Variants in CHRM5 observed in about 807,000 individuals in gnomAD.
CHRM5 encodes cholinergic receptor muscarinic 5.
In CHRM5, 18 loss-of-function variants were observed where a neutral mutation model predicts 39.0. The observed-to-expected ratio is 0.46, with a 90% CI of 0.32 to 0.68. The LOEUF (loss-of-function observed/expected upper bound fraction) is 0.68, where lower values mean the gene tolerates loss of function less well. Among genes scored for constraint, CHRM5 ranks in the 30% least tolerant of loss-of-function variants. CHRM5 has a pLI of 0.04. For missense variants in CHRM5, 515 were observed against 651.1 expected (o/e 0.79, Z 2.28); for synonymous variants, 241 against 246.3 (o/e 0.98, Z 0.20).
intron 1 of CHRM5, among the ~76,000 whole-genome samples, chr15:33,973,181 C>T (rs561770842): frequency 3.3e-5 from 5 of 152,192 alleles, no homozygotes; most frequent in African/African-American, 7.2e-5. Context: ...CATCAGACTA[C>T]GTGGGCCTTC....
At chr15:33,995,948 T>C (rs7177293) in intron 1 of CHRM5, among the ~76,000 whole-genome samples, 45,683 of 152,148 alleles carry the variant, frequency 0.3, 8,882 homozygotes, top group African/African-American at 0.55. Flanking sequence ...CATGACAGAC[T>C]GTACCTGGAA....
chr15:34,047,205 G>A (rs1014295926), intron 2 of CHRM5, among the ~76,000 whole-genome samples: 13 of 151,966 alleles, frequency 8.6e-5, no homozygotes, highest in Non-Finnish European at 1.9e-4. Flanking sequence ...AGCCTCCCGA[G>A]TAGCTGGGAC....
intron 1 of CHRM5, among the ~76,000 whole-genome samples, chr15:34,021,218 C>T (rs1050912157): frequency 1.3e-5 from 2 of 151,794 alleles, no homozygotes; most frequent in African/African-American, 2.4e-5. Flanking sequence ...TGGAGTTTTG[C>T]TCTGTCGCCT....
At chr15:34,057,649 G>A (rs929479936) in intron 2 of CHRM5, among the ~76,000 whole-genome samples, 3 of 152,126 alleles carry the variant, frequency 2.0e-5, no homozygotes, top group East Asian at 1.9e-4. Context: ...CAGTAAGTTG[G>A]AGCCATATGT....
intron 1 of CHRM5, among the ~76,000 whole-genome samples, chr15:34,019,988 A>AT (rs1162298606): frequency 3.3e-5 from 5 of 152,208 alleles, no homozygotes; most frequent in African/African-American, 7.2e-5. Flanking sequence ...AAGAGTCTTG[A>AT]TTTTTTAAAC....
At chr15:33,974,945 C>G (rs1211343626) in intron 1 of CHRM5, among the ~76,000 whole-genome samples, 1 of 152,156 alleles carries the variant, frequency 6.6e-6, no homozygotes, top group Non-Finnish European at 1.5e-5. Context: ...ACGCTCCAGC[C>G]TGAGCAACAA....
intron 1 of CHRM5, among the ~76,000 whole-genome samples, chr15:34,043,532 G>A (rs948507815): frequency 1.3e-5 from 2 of 152,108 alleles, no homozygotes; most frequent in African/African-American, 4.8e-5. Context: ...ACTACTGAGG[G>A]TGCTCACCAG....
chr15:33,996,829 A>G (rs2879446), intron 1 of CHRM5, among the ~76,000 whole-genome samples: 31,850 of 152,226 alleles, frequency 0.21, 5,101 homozygotes, highest in African/African-American at 0.45. Context: ...CTCGCTAGCA[A>G]GAGAACAAAG....
intron 1 of CHRM5, among the ~76,000 whole-genome samples, chr15:34,039,417 A>AG (rs1899367290): frequency 6.6e-6 from 1 of 151,866 alleles, no homozygotes; most frequent in Non-Finnish European, 1.5e-5. Context: ...CTCGGAAAAA[A>AG]AAAGTTTAAA....
intron 1 of CHRM5, among the ~76,000 whole-genome samples, chr15:34,037,191 CTCAAT>C (rs1409396199): frequency 6.6e-6 from 1 of 152,012 alleles, no homozygotes; most frequent in Non-Finnish European, 1.5e-5. Context: ...CCTTCACTCA[CTCAAT>C]TCAACTTAAA....
Position 34,064,071 on chromosome 15 carries a change from A to T in CHRM5, c.1354A>T (p.Ile452Phe), listed in dbSNP as rs1044926847. Residue 452 changes from isoleucine to phenylalanine, a missense_variant, in exon 3 of 3, where the codon ATC becomes TTC. Physicochemically the swap from Ile to Phe is conservative, Grantham distance 21. Transcript: ENST00000383263. ...ACTGAGTGCCATTCTCCTGGCCTTC[A>T]TCATCACATGGACCCCGTATAACAT... is the stretch of plus-strand genomic sequence containing the variant. ...QTLSAILLAF[I>F]ITWTPYNIMV... 7.4e-6 allele frequency: 12 copies of T among 1,614,202 alleles called. No individual in the cohort carries two copies. The East Asian group carries it at 1.8e-4, about 24-fold the overall frequency.
chr15:33,995,465 T>G lies in CHRM5; in HGVS notation c.-408+26315T>G, dbSNP rs190246815. Among the ~76,000 whole-genome samples, 24 of 152,352 alleles carry G rather than the reference T, an allele frequency of 1.6e-4. No homozygotes were observed. In the East Asian group the frequency reaches 4.2e-3, roughly 27 times the overall value. The stretch of plus-strand genomic sequence containing the variant: ...TATATGCAAATATTTTGCCATTTTA[T>G]ATCAGAGACTTAGCATTCCTAGATT... On this transcript the variant is annotated intron_variant, in intron 1 of 2. Transcript: ENST00000383263.
intron 1 of CHRM5, among the ~76,000 whole-genome samples, chr15:34,002,448 T>C (rs1897173468): frequency 6.6e-6 from 1 of 152,044 alleles, no homozygotes. Flanking sequence ...CATTCTTCCC[T>C]GTTACTGCTC....
At chr15:34,039,603 A>G (rs553149389) in intron 1 of CHRM5, among the ~76,000 whole-genome samples, 7 of 152,290 alleles carry the variant, frequency 4.6e-5, no homozygotes, top group African/African-American at 1.7e-4. Flanking sequence ...GTGGATGTAA[A>G]GACAAGAGTT....
intron 2 of CHRM5, among the ~76,000 whole-genome samples, chr15:34,060,902 G>A (rs935779797): frequency 2.6e-5 from 4 of 151,942 alleles, no homozygotes; most frequent in Non-Finnish European, 4.4e-5. Flanking sequence ...TGTAGTCCCA[G>A]CTACTGGGGA....
chr15:34,007,150 T>A (rs967989856), intron 1 of CHRM5: 24 of 596,066 alleles, frequency 4.0e-5, no homozygotes, highest in Non-Finnish European at 4.8e-5. Flanking sequence ...CGAGCTATTA[T>A]CTTGTCCAAT....
rs1380791998 is a variant in CHRM5, at chr15:34,065,816, T to C, written c.*1500T>C. On this transcript the variant is annotated 3_prime_UTR_variant, in exon 3 of 3. Transcript: ENST00000383263. ...AAGGATTTTAAAGATGAAGCACTCC[T>C]GTCAGACATTATTTAACTCGTTGGT... 1 of 152,220 alleles carries C rather than the reference T, an allele frequency of 6.6e-6. No individual in the cohort carries two copies. The highest frequency in any genetic ancestry group is 1.5e-5 in the Non-Finnish European group (1 of 68,044). The allele number at this position is 152,220 out of a possible 1,614,324, so 9.4% of individuals were successfully genotyped here.
intron 2 of CHRM5, among the ~76,000 whole-genome samples, chr15:34,054,371 A>C (rs1900050474): frequency 6.6e-6 from 1 of 152,214 alleles, no homozygotes; most frequent in African/African-American, 2.4e-5. Context: ...ATAAAGATAC[A>C]TGCATGTGTA....
Position 34,046,317 on chromosome 15 carries a change from A to T in CHRM5, c.-407-223A>T, listed in dbSNP as rs142215097. Among the ~76,000 whole-genome samples, 66 of 144,776 alleles carry T rather than the reference A, an allele frequency of 4.6e-4. No homozygotes were observed. In the East Asian group the frequency reaches 0.01, roughly 23 times the overall value. The allele number at this position is 144,776 out of a possible 152,430, so 95.0% of individuals were successfully genotyped here. ...GTCCAGCAGCCTAGGAATCAGGAAA[A>T]GTTATTCTCCCAAAAAGTGAGGCAG... On this transcript the variant is annotated intron_variant, in intron 1 of 2. Transcript: ENST00000383263.
Sources: gnomAD v4.1 joint callset for allele counts (sites outside exome capture counted in the v4.1 genomes callset) on GRCh38, gnomAD v4.1.1 for gene constraint, MANE v1.5 for transcripts, NCBI Gene and HGNC (gene_info 2026-07-23, HGNC 2026-07-21) for gene names.